The following RASSF3 variants were observed in gnomAD, a reference collection of about 807,000 sequenced individuals.
RASSF3 encodes ras association domain-containing protein 3.
In RASSF3, 19 loss-of-function variants were observed where a neutral mutation model predicts 19.9. The observed-to-expected ratio is 0.96, with a 90% CI of 0.67 to 1.40. RASSF3 has a LOEUF of 1.40. Among genes scored for constraint, RASSF3 ranks in the 40% most tolerant of loss-of-function variants. The pLI is 0.00. For synonymous variants in RASSF3, 110 were observed against 104.2 expected, an observed-to-expected ratio of 1.06 and a Z score of -0.34; for missense variants, 306 against 289.8, an observed-to-expected ratio of 1.06 and a Z score of -0.41.
intron 1 of RASSF3, among the ~76,000 whole-genome samples, chr12:64,641,399 G>GGC (rs1184877732): frequency 3.1e-4 from 24 of 76,710 alleles, no homozygotes; most frequent in South Asian, 1.6e-3. Flanking sequence ...CTGTCTCACA[G>GGC]GCGCACACAC....
downstream of RASSF3, among the ~76,000 whole-genome samples, chr12:64,542,870 GC>G (rs1406195271): frequency 6.6e-6 from 1 of 152,226 alleles, no homozygotes; most frequent in South Asian, 2.1e-4. Flanking sequence ...CACTGTGGGA[GC>G]CCCTTCCTGG....
chr12:64,534,450 G>A (rs974652835), intron 1 of RASSF3, among the ~76,000 whole-genome samples: 3 of 152,162 alleles, frequency 2.0e-5, no homozygotes, highest in Non-Finnish European at 4.4e-5. Flanking sequence ...AGCTATGATC[G>A]TGCCACTGCA....
intron 1 of RASSF3, among the ~76,000 whole-genome samples, chr12:64,622,779 A>C (rs939052044): frequency 2.6e-5 from 4 of 151,508 alleles, no homozygotes; most frequent in Admixed American, 6.6e-5. Context: ...CTTAATCCCC[A>C]ATTTCTTAAT....
intron 2 of RASSF3, among the ~76,000 whole-genome samples, chr12:64,685,242 G>A (rs913438095): frequency 1.3e-5 from 2 of 151,998 alleles, no homozygotes; most frequent in African/African-American, 4.8e-5. Flanking sequence ...CTCAGGTAAG[G>A]TTTTTTGTTT....
In RASSF3 at chr12:64,634,238, G is replaced by A. The variant is rs566570383; in HGVS notation, c.111+23495G>A. ...TTCTCTTAAACTAGGAGATGAACAAGGTTAACCTTTTTCTTGCAAATTGAC... is the reference window on the plus strand; with the variant it reads ...TTCTCTTAAACTAGGAGATGAACAAAGTTAACCTTTTTCTTGCAAATTGAC... On this transcript the variant is annotated intron_variant, in intron 1 of 4. Transcript: ENST00000542104. 7.2e-5 allele frequency among the ~76,000 whole-genome samples: 11 copies of A among 151,820 alleles called. No individual in the cohort carries two copies. The East Asian group carries it at 2.1e-3, about 29-fold the overall frequency.
At chr12:64,515,130 C>T (rs1477038456) in intron 1 of RASSF3, among the ~76,000 whole-genome samples, 1 of 151,956 alleles carries the variant, frequency 6.6e-6, no homozygotes, top group African/African-American at 2.4e-5. Flanking sequence ...AATCTCTGCT[C>T]ACTGCAACCT....
At chr12:64,625,927 A>T (rs1019890734) in intron 1 of RASSF3, among the ~76,000 whole-genome samples, 3 of 152,078 alleles carry the variant, frequency 2.0e-5, no homozygotes, top group Non-Finnish European at 2.9e-5. Context: ...AATTAGTATG[A>T]GTCTTGGAAC....
intron 1 of RASSF3, among the ~76,000 whole-genome samples, chr12:64,619,414 G>A (rs1478991576): frequency 6.6e-6 from 1 of 152,084 alleles, no homozygotes; most frequent in Admixed American, 6.5e-5. Context: ...AAGGACAGAA[G>A]AGGGCTCATG....
At chr12:64,656,223 A>G (rs184085339) in intron 1 of RASSF3, among the ~76,000 whole-genome samples, 5 of 152,226 alleles carry the variant, frequency 3.3e-5, no homozygotes, top group African/African-American at 4.8e-5. Flanking sequence ...AGTACTTGCT[A>G]TGTACTGTGG....
At chr12:64,562,343 C>G (rs541451141) in intron 2 of RASSF3, among the ~76,000 whole-genome samples, 1 of 151,994 alleles carries the variant, frequency 6.6e-6, no homozygotes, top group African/African-American at 2.4e-5. Context: ...ACCTGAGTAC[C>G]CACCGCATTT....
chr12:64,569,608 A>G (rs1869485636), intron 2 of RASSF3, among the ~76,000 whole-genome samples: 1 of 152,252 alleles, frequency 6.6e-6, no homozygotes. Flanking sequence ...GAATACGAGT[A>G]TCTTAAAGTC....
At chr12:64,634,973 T>TTTCTTTTC (rs1398983216) in intron 1 of RASSF3, among the ~76,000 whole-genome samples, 6 of 149,084 alleles carry the variant, frequency 4.0e-5, no homozygotes, top group Admixed American at 2.0e-4. Context: ...TTTTCTTTTT[T>TTTCTTTTC]TTTTTTTTTT....
intron 1 of RASSF3, among the ~76,000 whole-genome samples, chr12:64,634,774 A>G (rs1353499427): frequency 6.6e-6 from 1 of 150,458 alleles, no homozygotes; most frequent in Non-Finnish European, 1.5e-5. Flanking sequence ...AAAAAAAAAA[A>G]AAAAAAAAAA....
rs544010208 is a variant in RASSF3, at chr12:64,633,005, G to A, written c.111+22262G>A. Among the ~76,000 whole-genome samples, 20 of 152,270 alleles carry A rather than the reference G, an allele frequency of 1.3e-4. No individual in the cohort carries two copies. The South Asian group carries it at 3.7e-3, about 28-fold the overall frequency. On this transcript the variant is annotated intron_variant, in intron 1 of 4. Transcript: ENST00000542104. ...CTCAAAATTAGCACATCTAGAATAA[G>A]CTAGAAAATAAATCTAAGCAGTTTC...
rs367792797 is a variant in RASSF3 at position 64,694,943 on chromosome 12, C to G, written c.*31C>G. The stretch of plus-strand genomic sequence containing the variant: ...GGCTCCCTGCCCGTGAGGCCCGGTG[C>G]AGGACCGATGTACAAAACAGCAGCA... On this transcript the variant is annotated 3_prime_UTR_variant, in exon 5 of 5. Transcript: ENST00000542104. 5 of 1,608,712 alleles carry G rather than the reference C, an allele frequency of 3.1e-6. No individual in the cohort carries two copies. The highest frequency in any genetic ancestry group is 4.2e-6 in the Non-Finnish European group (5 of 1,177,494).
intron 2 of RASSF3, among the ~76,000 whole-genome samples, chr12:64,589,188 G>A (rs1287428551): frequency 1.3e-5 from 2 of 152,160 alleles, no homozygotes; most frequent in Non-Finnish European, 2.9e-5. Context: ...AGTGGCTCAC[G>A]CCTATAATCC....
intron 1 of RASSF3, among the ~76,000 whole-genome samples, chr12:64,681,582 T>A (rs1873128734): frequency 6.6e-6 from 1 of 152,240 alleles, no homozygotes. Context: ...TTTTAGTATA[T>A]GCTTTGAAGA....
chr12:64,694,840 C>T lies in RASSF3; in HGVS notation c.645C>T (p.Asn215=). 4 of 1,614,224 alleles carry T rather than the reference C, an allele frequency of 2.5e-6. No individual in the cohort carries two copies. Among genetic ancestry groups the T allele is most frequent in the Non-Finnish European group, 3.4e-6 (4 of 1,180,024 alleles). The change falls in exon 5 of 5, where the codon AAC becomes AAT. Residue 215 remains asparagine, a synonymous_variant. Coordinates refer to ENST00000542104, the MANE Select transcript of RASSF3 (RefSeq NM_178169.4). ...AGGAAGAAGATGAACAGCTGCAGAA[C>T]CTGAAGAGGCGCTACACAGCCTACA... ...LDKEEDEQLQ[N]LKRRYTAYRQ...
chr12:64,593,987 G>A (rs1200218952), intron 2 of RASSF3, among the ~76,000 whole-genome samples: 4 of 143,756 alleles, frequency 2.8e-5, no homozygotes, highest in East Asian at 4.1e-4. Flanking sequence ...ACTCCAGCCT[G>A]GGCGACAGGG....
Sources: allele counts gnomAD v4.1 joint callset (sites outside exome capture counted in the v4.1 genomes callset), GRCh38; gene constraint gnomAD v4.1.1; transcripts MANE v1.5; gene names NCBI Gene and HGNC (gene_info 2026-07-23, HGNC 2026-07-21).